Variants in BRD8 observed in about 807,000 individuals in gnomAD.
BRD8 encodes the protein bromodomain-containing protein 8.
In BRD8, 67 loss-of-function variants were observed where a neutral mutation model predicts 143.1. The observed-to-expected ratio is 0.47, with a 90% CI of 0.38 to 0.57. The LOEUF is 0.57. BRD8 is among the 20% of genes least tolerant of loss of function. The probability of loss-of-function intolerance (pLI) is 0.00; values close to 1 mark genes in which losing one functional copy is unlikely to be tolerated. For missense variants in BRD8, 1,103 were observed against 1,503.0 expected (o/e 0.73, Z 4.40); for synonymous variants, 505 against 517.1 (o/e 0.98, Z 0.32).
intron 23 of BRD8, among the ~76,000 whole-genome samples, chr5:138,147,303 T>A (rs1377477470): frequency 2.0e-5 from 3 of 148,612 alleles, no homozygotes; most frequent in African/African-American, 7.3e-5. Flanking sequence ...TCAAAAAATA[T>A]ATATATATAT....
chr5:138,165,262 T>C, intron 11 of BRD8, 96 bp from the exon 12 acceptor site: 1 of 1,333,022 alleles, frequency 7.5e-7, no homozygotes. Flanking sequence ...AATCTGCAGC[T>C]TTTCGCTCCA....
chr5:138,142,902 C>A (rs1479356297), intron 25 of BRD8, among the ~76,000 whole-genome samples: 1 of 151,472 alleles, frequency 6.6e-6, no homozygotes, highest in African/African-American at 2.4e-5. Context: ...CCCATATCTA[C>A]AAAAAATTTA....
chr5:138,172,090 C>T lies in BRD8; in HGVS notation c.161G>A (p.Arg54His), dbSNP rs766696343. 1.5e-5 allele frequency: 24 copies of T among 1,613,402 alleles called. No homozygotes were observed. The Admixed American group carries it at 2.3e-4, about 16-fold the overall frequency. The part of the protein sequence containing the change: ...RAIKPFAEPG[R>H]PPDWFSQKHC... The stretch of plus-strand genomic sequence containing the variant: ...TTTTTGAGAGAACCAGTCTGGAGGG[C>T]GGCCAGGTTCTGCAAAGGGCTTGAT... Residue 54 changes from arginine (R) to histidine (H), a missense_variant, in exon 3 of 27, where the codon CGC becomes CAC. Transcript: ENST00000254900.
At chr5:138,166,415 A>T in intron 10 of BRD8, 103 bp downstream of exon 10, 1 of 698,922 alleles carries the variant, frequency 1.4e-6, no homozygotes, top group South Asian at 1.9e-5. Flanking sequence ...GTCTATGTAG[A>T]ACAGAGAAGA....
chr5:138,176,931 A>T (rs555647076), intron 2 of BRD8, among the ~76,000 whole-genome samples: 7 of 150,998 alleles, frequency 4.6e-5, no homozygotes, highest in East Asian at 2.0e-4. Context: ...ACAAAAAAAT[A>T]AAAAAAATTA....
chr5:138,154,307 G>A (rs922931072), intron 20 of BRD8, among the ~76,000 whole-genome samples: 3 of 152,042 alleles, frequency 2.0e-5, no homozygotes, highest in Non-Finnish European at 2.9e-5. Context: ...TATAATCCCT[G>A]TTCTAATTAC....
chr5:138,170,773 T>C, intron 6 of BRD8, 59 bp downstream of exon 6: 6 of 1,456,486 alleles, frequency 4.1e-6, no homozygotes, highest in Admixed American at 1.7e-5. Flanking sequence ...GCCAGATTAC[T>C]TGAGGGGAAA....
rs1387795736 is a variant in BRD8, at chr5:138,166,425, A to C, written c.997+93T>G. The C allele has an allele frequency of 4.1e-6, 3 of 728,784 alleles. No homozygotes were observed. The East Asian group carries it at 8.1e-5, about 20-fold the overall frequency. The allele number at this position is 728,784 out of a possible 1,614,324, so 45.1% of individuals were successfully genotyped here. On this transcript the variant is annotated intron_variant, in intron 10 of 26. Transcript: ENST00000254900. ...CACATGTCTATGTAGAACAGAGAAG[A>C]AGCATCTGAATCGGAGCTGATGCTC...
In BRD8 at chr5:138,150,921, T is replaced by G; in HGVS notation, c.2944A>C (p.Arg982=). 1.2e-6 allele frequency: 2 copies of G among 1,614,204 alleles called. No homozygotes were observed. Among genetic ancestry groups the G allele is most frequent in the Non-Finnish European group, 1.7e-6 (2 of 1,180,016 alleles). Residue 982 remains arginine (R), a synonymous_variant, in exon 22 of 27, where the codon AGG becomes CGG. Coordinates refer to ENST00000254900, the MANE Select transcript of BRD8 (RefSeq NM_139199.2). ...CPPSGTRQEG[R]EIKASEGERE... ...TCTCCTTCGCTAGCTTTAATTTCCC[T>G]TCCTTCTTGTCTGGTACCAGATGGA... is the stretch of plus-strand genomic sequence containing the variant.
At chr5:138,165,770 G>A (rs1049804080) in intron 11 of BRD8, 58 bp downstream of exon 11, 43 of 1,407,360 alleles carry the variant, frequency 3.1e-5, no homozygotes, top group Non-Finnish European at 4.1e-5. Flanking sequence ...AAGTGAGGCT[G>A]AAAAGAGAAG....
intron 1 of BRD8, among the ~76,000 whole-genome samples, chr5:138,177,884 C>T (rs1754491875): frequency 1.3e-5 from 2 of 152,192 alleles, no homozygotes; most frequent in Admixed American, 6.5e-5. Flanking sequence ...GAATTATTAA[C>T]ATTTTATTTC....
chr5:138,159,697 A>G lies in BRD8; in HGVS notation c.2533-98T>C, dbSNP rs1459303658. ...CAGAGACACAAGCACCACACACACAAGGACAAAATTTTAAAACTCAAGAAC... is the reference window on the plus strand; with the variant it reads ...CAGAGACACAAGCACCACACACACAGGGACAAAATTTTAAAACTCAAGAAC... On this transcript the variant is annotated intron_variant, in intron 19 of 26. Transcript: ENST00000254900. 1.9e-5 allele frequency: 23 copies of G among 1,181,916 alleles called. No individual in the cohort carries two copies. In the East Asian group the frequency reaches 5.5e-4, roughly 28 times the overall value. 73.2% of individuals were successfully genotyped at this position (1,181,916 alleles called of 1,614,324 possible).
At chr5:138,168,322 T>G (rs1753606155) in intron 8 of BRD8, 3 of 703,254 alleles carry the variant, frequency 4.3e-6, no homozygotes, top group Non-Finnish European at 7.3e-6. Flanking sequence ...TACTATCAAC[T>G]TACTGTATTT....
chr5:138,156,960 A>G, intron 20 of BRD8: 1 of 1,316,580 alleles, frequency 7.6e-7, no homozygotes, highest in Non-Finnish European at 9.7e-7. Flanking sequence ...TGTACAATTG[A>G]CAAGACAATA....
chr5:138,165,201 G>T, intron 11 of BRD8, 35 bp from the exon 12 acceptor site: 2 of 1,593,442 alleles, frequency 1.3e-6, no homozygotes, highest in Non-Finnish European at 1.7e-6. Flanking sequence ...TGAGGTCACA[G>T]AAAGAAGCCC....
Position 138,160,081 on chromosome 5 carries a change from A to G in BRD8, c.2520T>C (p.Asp840=), listed in dbSNP as rs1250115560. Residue 840 remains aspartate, a synonymous_variant, in exon 19 of 27, where the codon GAT becomes GAC. Transcript: ENST00000254900. ...CTGATCGCCTCACCTTCTCTGAAGC[A>G]TCCTGTTTGCGGGTAGAATCTCTCC... ...LRGRDSTRKQ[D]ASEKDSVPMG... The G allele has an allele frequency of 1.2e-6, 2 of 1,613,870 alleles. No homozygotes were observed. Among genetic ancestry groups the G allele is most frequent in the Non-Finnish European group, 1.7e-6 (2 of 1,179,764 alleles).
chr5:138,166,543 G>C lies in BRD8; in HGVS notation c.972C>G (p.Val324=), dbSNP rs1170728492. Residue 324 remains valine, a synonymous_variant, in exon 10 of 27, where the codon GTC becomes GTG. Transcript: ENST00000254900. ...ALPAPSSAPA[V]STTESVAPVS... ...CTGGAGCTACACTTTCAGTAGTGGA[G>C]ACAGCCGGAGCAGAGGATGGTGCTG... 6.2e-7 allele frequency: 1 copy of C among 1,613,004 alleles called. No homozygotes were observed. Among genetic ancestry groups the C allele is most frequent in the Middle Eastern group, 1.7e-4 (1 of 6,052 alleles).
chr5:138,173,376 T>A (rs992061233), intron 2 of BRD8, among the ~76,000 whole-genome samples: 17 of 147,244 alleles, frequency 1.2e-4, no homozygotes, highest in African/African-American at 4.4e-4. Flanking sequence ...CCAACCTGGG[T>A]GACACAGTGA....
At position 138,177,006 on chromosome 5, in the gene BRD8, G is replaced by C. The variant is rs547499652; in HGVS notation, c.116+565C>G. ...AAGAGGCTGAGGTGGAGGATCATTT[G>C]AGCCTGAGATATGGAGGTTGCAGTG... On this transcript the variant is annotated intron_variant, in intron 2 of 26. Coordinates refer to ENST00000254900, the MANE Select transcript of BRD8 (RefSeq NM_139199.2). 1.3e-4 allele frequency among the ~76,000 whole-genome samples: 19 copies of C among 150,966 alleles called. No individual in the cohort carries two copies. The South Asian group carries it at 3.6e-3, about 28-fold the overall frequency.
Sources: allele counts gnomAD v4.1 joint callset (sites outside exome capture counted in the v4.1 genomes callset), GRCh38; gene constraint gnomAD v4.1.1; transcripts MANE v1.5; gene names NCBI Gene and HGNC (gene_info 2026-07-23, HGNC 2026-07-21).